The following DIP2B variants were observed in gnomAD, a reference collection of about 807,000 sequenced individuals.
The protein encoded by DIP2B is disco-interacting protein 2 homolog B.
DIP2B carries 76 observed loss-of-function variants against 198.0 expected under a neutral mutation model. The observed-to-expected ratio is 0.38, with a 90% confidence interval of 0.32 to 0.46. The LOEUF (loss-of-function observed/expected upper bound fraction) is 0.46, where lower values mean the gene tolerates loss of function less well. DIP2B is among the 20% of genes least tolerant of loss of function. The pLI is 0.99. For missense variants in DIP2B, 1,559 were observed against 1,978.4 expected (o/e 0.79, Z 4.02); for synonymous variants, 701 against 739.1 (o/e 0.95, Z 0.84).
chr12:50,587,664 A>C (rs576311405), intron 1 of DIP2B, among the ~76,000 whole-genome samples: 2 of 152,002 alleles, frequency 1.3e-5, no homozygotes, highest in African/African-American at 4.8e-5. Flanking sequence ...AGTGTCTCCT[A>C]TGTTTTGAGA....
Position 50,714,594 on chromosome 12 carries a change from C to T in DIP2B, c.2849C>T (p.Pro950Leu). The stretch of plus-strand genomic sequence containing the variant: ...TTGCCAAAGCCCCGGCAAAAACAAC[C>T]AGGTAATATGCTGGCTTCCAAGACC... ...TNLPKPRQKQ[P>L]GVGPASVMVG... Residue 950 changes from proline (P) to leucine (L), a missense_variant and splice_region_variant, in exon 23 of 38, where the codon CCA (proline) becomes CTA (leucine). Physicochemically the swap from Pro to Leu is moderately conservative, Grantham distance 98. Coordinates refer to ENST00000301180, the MANE Select transcript of DIP2B (RefSeq NM_173602.3). 1.9e-6 allele frequency: 3 copies of T among 1,613,990 alleles called. No individual in the cohort carries two copies. The highest frequency in any genetic ancestry group is 2.5e-6 in the Non-Finnish European group (3 of 1,179,918).
intron 1 of DIP2B, among the ~76,000 whole-genome samples, chr12:50,585,980 G>A (rs1409253611): frequency 6.6e-6 from 1 of 152,196 alleles, no homozygotes; most frequent in Non-Finnish European, 1.5e-5. Flanking sequence ...GCCACTTTCA[G>A]TGAATACTTT....
rs186451356 is a variant in DIP2B, at chr12:50,678,922, G to A, written c.1114+46G>A. 237 of 1,603,690 alleles carry A rather than the reference G, an allele frequency of 1.5e-4. 1 individual carries two copies. The highest frequency in any genetic ancestry group is 1.9e-4 in the Non-Finnish European group (221 of 1,171,604). On this transcript the variant is annotated intron_variant, in intron 8 of 37. Coordinates refer to ENST00000301180, the MANE Select transcript of DIP2B (RefSeq NM_173602.3). ...ATCCTTCTCTCCTGAGAGTTCTTCA[G>A]AATATCATGGGTAGTGTTTTTATCT...
Position 50,698,417 on chromosome 12 carries a change from A to T in DIP2B, c.2138A>T (p.Asp713Val), listed in dbSNP as rs200675995. The part of the protein sequence containing the change: ...SYGVIRVNTE[D>V]KNSALTVQDV... Reference sequence around the variant, plus strand: ...GGGGTAATACGGGTCAATACTGAAGATAAAAATTCAGCACTGACGGTCCAG... The same window carrying T: ...GGGGTAATACGGGTCAATACTGAAGTTAAAAATTCAGCACTGACGGTCCAG... Residue 713 changes from aspartate (D) to valine (V), a missense_variant, in exon 18 of 38, where the codon GAT becomes GTT. Physicochemically the swap from Asp to Val is radical, Grantham distance 152. Transcript: ENST00000301180. The T allele has an allele frequency of 6.2e-7, 1 of 1,613,938 alleles. No homozygotes were observed. The highest frequency in any genetic ancestry group is 1.1e-5 in the South Asian group (1 of 91,024).
chr12:50,564,103 T>C (rs1471731049), intron 1 of DIP2B, among the ~76,000 whole-genome samples: 1 of 150,262 alleles, frequency 6.7e-6, no homozygotes, highest in African/African-American at 2.4e-5. Context: ...TTTGTAAATA[T>C]GTAGTGCTGG....
intron 1 of DIP2B, among the ~76,000 whole-genome samples, chr12:50,532,797 G>T (rs938975047): frequency 6.6e-6 from 1 of 152,180 alleles, no homozygotes; most frequent in Non-Finnish European, 1.5e-5. Flanking sequence ...GGAGCAGGGC[G>T]CTGTCCTTGG....
In DIP2B at chr12:50,505,000, A is replaced by C. The variant is rs576980972; in HGVS notation, c.-141A>C. Reference sequence around the variant, plus strand: ...CGTCGCGCTCACGTGACCTTTGCTCATGGCGGCGGCGGCGGCGGCGGCGGT... The same window carrying C: ...CGTCGCGCTCACGTGACCTTTGCTCCTGGCGGCGGCGGCGGCGGCGGCGGT... On this transcript the variant is annotated 5_prime_UTR_variant, in exon 1 of 38. The change abolishes an upstream ATG in the 5' untranslated region. Coordinates refer to ENST00000301180, the MANE Select transcript of DIP2B (RefSeq NM_173602.3). 9.7e-5 allele frequency: 53 copies of C among 544,578 alleles called. 6 individuals carry two copies. Among genetic ancestry groups the C allele is most frequent in the South Asian group, 7.9e-4 (45 of 57,066 alleles). 33.7% of individuals were successfully genotyped at this position (544,578 alleles called of 1,614,324 possible).
intron 34 of DIP2B, 84 bp from the exon 35 acceptor site, chr12:50,736,952 T>C: frequency 7.3e-7 from 1 of 1,369,852 alleles, no homozygotes; most frequent in Non-Finnish European, 1.0e-6. Flanking sequence ...CTCTCACCTC[T>C]CCAGCAGGTA....
chr12:50,527,702 C>A (rs1958179310), intron 1 of DIP2B, among the ~76,000 whole-genome samples: 1 of 151,946 alleles, frequency 6.6e-6, no homozygotes, highest in Non-Finnish European at 1.5e-5. Flanking sequence ...AGAGCAAGAC[C>A]ACATCTTAAA....
chr12:50,732,210 T>C (rs1243566362), intron 31 of DIP2B, among the ~76,000 whole-genome samples, 156 bp from the exon 32 acceptor site: 2 of 152,210 alleles, frequency 1.3e-5, no homozygotes. Context: ...CTTGTCCGTT[T>C]CTTCTTTTCT....
In DIP2B at chr12:50,577,743, T is replaced by G. The variant is rs186159273; in HGVS notation, c.101-48233T>G. Among the ~76,000 whole-genome samples the G allele has an allele frequency of 3.9e-5, 6 of 151,982 alleles. 1 individual carries two copies. In the East Asian group the frequency reaches 1.2e-3, roughly 29 times the overall value. Reference sequence around the variant, plus strand: ...ATTCTTATAAATGTCTTTTCATTAATCTGTTATGATAAAGAAAATCTGTCC... The same window carrying G: ...ATTCTTATAAATGTCTTTTCATTAAGCTGTTATGATAAAGAAAATCTGTCC... On this transcript the variant is annotated intron_variant, in intron 1 of 37. Transcript: ENST00000301180.
intron 1 of DIP2B, among the ~76,000 whole-genome samples, chr12:50,593,087 A>G (rs1376824224): frequency 6.6e-6 from 1 of 152,216 alleles, no homozygotes; most frequent in Non-Finnish European, 1.5e-5. Flanking sequence ...TTATGCTTCT[A>G]CAGCCTTTCT....
chr12:50,708,352 A>T, intron 21 of DIP2B, 96 bp from the exon 22 acceptor site: 1 of 1,044,826 alleles, frequency 9.6e-7, no homozygotes. Flanking sequence ...TTTGGGTAGC[A>T]TGGTGGGGTT....
intron 1 of DIP2B, among the ~76,000 whole-genome samples, chr12:50,622,864 G>A (rs369256001): frequency 9.0e-4 from 136 of 151,586 alleles, no homozygotes; most frequent in African/African-American, 3.2e-3. Flanking sequence ...TGCGTGCCTC[G>A]GCCTCCCAAA....
At chr12:50,657,430 C>G (rs950299849) in intron 3 of DIP2B, among the ~76,000 whole-genome samples, 3 of 152,092 alleles carry the variant, frequency 2.0e-5, no homozygotes, top group Non-Finnish European at 4.4e-5. Flanking sequence ...AAGTAACCAA[C>G]TTTGCAATTA....
intron 1 of DIP2B, among the ~76,000 whole-genome samples, chr12:50,511,853 C>T (rs988921368): frequency 7.1e-6 from 1 of 140,386 alleles, no homozygotes; most frequent in Non-Finnish European, 1.5e-5. Flanking sequence ...GAAGCTGAGG[C>T]AGGAGAATTG....
intron 1 of DIP2B, among the ~76,000 whole-genome samples, chr12:50,601,176 C>A (rs1958932730): frequency 6.6e-6 from 1 of 152,150 alleles, no homozygotes; most frequent in South Asian, 2.1e-4. Flanking sequence ...ATCCCAAGTG[C>A]CTAGACCAGT....
At chr12:50,549,218 C>A (rs1405087806) in intron 1 of DIP2B, among the ~76,000 whole-genome samples, 1 of 150,830 alleles carries the variant, frequency 6.6e-6, no homozygotes. Flanking sequence ...CCTGTAATCC[C>A]AGCACTTTGG....
chr12:50,510,059 A>G (rs1480432494), intron 1 of DIP2B, among the ~76,000 whole-genome samples: 10 of 152,328 alleles, frequency 6.6e-5, no homozygotes, highest in South Asian at 4.1e-4. Flanking sequence ...GCAGATTTCA[A>G]TTCTTTGAGG....
Sources: gnomAD v4.1 joint callset for allele counts (sites outside exome capture counted in the v4.1 genomes callset) on GRCh38, gnomAD v4.1.1 for gene constraint, MANE v1.5 for transcripts, NCBI Gene and HGNC (gene_info 2026-07-23, HGNC 2026-07-21) for gene names.